ADGRL3: variants seen among roughly 807,000 people sequenced by gnomAD.
The protein encoded by ADGRL3 is calcium-independent alpha-latrotoxin receptor 3.
Under a neutral mutation model 153.5 loss-of-function variants are expected in ADGRL3, and 62 were observed. The ratio of observed to expected loss-of-function variants is 0.40; its 90% CI spans 0.33 to 0.50. The LOEUF (loss-of-function observed/expected upper bound fraction) is 0.50. Ranked by LOEUF, ADGRL3 falls within the 20% of genes least tolerant of loss-of-function variation. ADGRL3 has a pLI of 0.47. For synonymous variants in ADGRL3, 710 were observed against 672.5 expected (o/e 1.06, Z -0.86); for missense variants, 1,641 against 1,859.4 (o/e 0.88, Z 2.16).
intron 14 of ADGRL3, among the ~76,000 whole-genome samples, chr4:61,935,261 C>T (rs2098833412): frequency 6.6e-6 from 1 of 151,956 alleles, no homozygotes; most frequent in Admixed American, 6.6e-5. Context: ...AACATAGTAG[C>T]CTGAGATCAC....
chr4:61,748,717 G>T (rs1400788065), intron 8 of ADGRL3, among the ~76,000 whole-genome samples: 1 of 152,110 alleles, frequency 6.6e-6, no homozygotes, highest in African/African-American at 2.4e-5. Context: ...ATTCAAGGTG[G>T]ATTAAAGACT....
intron 1 of ADGRL3, among the ~76,000 whole-genome samples, chr4:61,276,191 T>C (rs2093448922): frequency 6.6e-6 from 1 of 152,110 alleles, no homozygotes; most frequent in African/African-American, 2.4e-5. Flanking sequence ...TTCCTCAACA[T>C]CTTTAGTATG....
intron 6 of ADGRL3, among the ~76,000 whole-genome samples, chr4:61,699,192 A>T (rs990522005): frequency 4.6e-5 from 7 of 152,150 alleles, no homozygotes; most frequent in African/African-American, 1.7e-4. Context: ...AGAAAACTGA[A>T]TTCTCCAAAA....
At chr4:61,729,420 C>T (rs1355600412) in intron 6 of ADGRL3, among the ~76,000 whole-genome samples, 1 of 151,830 alleles carries the variant, frequency 6.6e-6, no homozygotes, top group Admixed American at 6.6e-5. Context: ...ATGGTTTTGA[C>T]AATAACTGGA....
At chr4:61,453,042 A>C (rs2097693460) in intron 2 of ADGRL3, among the ~76,000 whole-genome samples, 2 of 152,180 alleles carry the variant, frequency 1.3e-5, no homozygotes, top group Admixed American at 1.3e-4. Flanking sequence ...TAGGTGGCCC[A>C]GTAGTTCAGA....
At chr4:61,436,174 T>C (rs1436217007) in intron 2 of ADGRL3, among the ~76,000 whole-genome samples, 2 of 152,176 alleles carry the variant, frequency 1.3e-5, no homozygotes, top group African/African-American at 4.8e-5. Flanking sequence ...TAGCATTACA[T>C]TTATTGTAAA....
intron 1 of ADGRL3, among the ~76,000 whole-genome samples, chr4:61,259,876 C>T (rs1052564772): frequency 8.5e-5 from 13 of 152,070 alleles, no homozygotes; most frequent in Non-Finnish European, 1.6e-4. Flanking sequence ...ATTAGATTTT[C>T]TCTTTTCCAC....
At chr4:61,344,045 T>C (rs900124571) in intron 1 of ADGRL3, among the ~76,000 whole-genome samples, 2 of 152,210 alleles carry the variant, frequency 1.3e-5, no homozygotes, top group African/African-American at 4.8e-5. Flanking sequence ...AGTAAAATAA[T>C]GAAATAGTGC....
Position 61,895,824 on chromosome 4 carries a change from T to C in ADGRL3, c.1877T>C (p.Ile626Thr). The C allele has an allele frequency of 6.3e-7, 1 of 1,578,090 alleles. No individual in the cohort carries two copies. Among genetic ancestry groups the C allele is most frequent in the Non-Finnish European group, 8.6e-7 (1 of 1,158,300 alleles). ...TGTTCTTCTCCTTGGGTCAATCATA[T>C]AACACAGAAGGTAAATCTTGTGACT... ...SNCSSPWVNH[I>T]TQKLKSGETA... is the part of the protein sequence containing the mutation. Residue 626 changes from isoleucine (I) to threonine (T), a missense_variant, in exon 11 of 27, where the codon ATA becomes ACA. Ile to Thr is a moderately conservative substitution (Grantham distance 89). Transcript: ENST00000683033.
intron 21 of ADGRL3, among the ~76,000 whole-genome samples, chr4:62,007,356 T>TTTTATA (rs1553908562): frequency 3.2e-5 from 1 of 30,914 alleles, no homozygotes; most frequent in Non-Finnish European, 6.3e-5. Context: ...GACAAAATGA[T>TTTTATA]TATATATATA....
intron 8 of ADGRL3, among the ~76,000 whole-genome samples, chr4:61,791,746 T>G (rs974778554): frequency 2.0e-5 from 3 of 152,194 alleles, no homozygotes; most frequent in African/African-American, 7.2e-5. Context: ...ATCTGAAATC[T>G]AGGTGGAGGT....
chr4:61,730,759 T>C, intron 7 of ADGRL3, 123 bp downstream of exon 7: 1 of 274,004 alleles, frequency 3.6e-6, no homozygotes, highest in Non-Finnish European at 7.2e-6. Context: ...TATTTACTAC[T>C]TCTGCTGCTC....
intron 4 of ADGRL3, among the ~76,000 whole-genome samples, chr4:61,534,732 G>C (rs957237745): frequency 6.6e-6 from 1 of 151,958 alleles, no homozygotes; most frequent in Non-Finnish European, 1.5e-5. Flanking sequence ...TCTTAATTTG[G>C]TTCTCAGCTT....
At chr4:61,859,683 T>C (rs1009047279) in intron 9 of ADGRL3, among the ~76,000 whole-genome samples, 3 of 152,210 alleles carry the variant, frequency 2.0e-5, no homozygotes, top group African/African-American at 7.2e-5. Context: ...AAAACACTAT[T>C]AGAACATATT....
intron 5 of ADGRL3, among the ~76,000 whole-genome samples, chr4:61,599,805 C>T (rs1429870985): frequency 1.3e-5 from 2 of 152,098 alleles, no homozygotes; most frequent in African/African-American, 2.4e-5. Flanking sequence ...GAAAAATTTT[C>T]GCTTCTGCAG....
chr4:61,543,485 C>A (rs567832920), intron 4 of ADGRL3, among the ~76,000 whole-genome samples: 1 of 152,210 alleles, frequency 6.6e-6, no homozygotes, highest in East Asian at 1.9e-4. Flanking sequence ...TGATTTTAGC[C>A]CGGAGAGAAG....
intron 4 of ADGRL3, among the ~76,000 whole-genome samples, chr4:61,530,173 A>G (rs2098603643): frequency 6.6e-6 from 1 of 152,178 alleles, no homozygotes; most frequent in Admixed American, 6.5e-5. Flanking sequence ...ATCTACAGAG[A>G]GAAAATTGCA....
intron 8 of ADGRL3, among the ~76,000 whole-genome samples, chr4:61,756,575 T>A (rs112060026): frequency 0.04 from 6,074 of 152,234 alleles, 371 homozygotes; most frequent in African/African-American, 0.14. Context: ...ACAGGGACAA[T>A]TTCACTTCCT....
At position 61,489,756 on chromosome 4, in the gene ADGRL3, C is replaced by G. The variant is rs532550674; in HGVS notation, c.-173-7365C>G. ...ATTGATTCAGGCTCCTCATATCAAA[C>G]CAAAGATATTTAAAAAATTGAATTT... On this transcript the variant is annotated intron_variant, in intron 2 of 26. Transcript: ENST00000683033. Among the ~76,000 whole-genome samples the G allele has an allele frequency of 2.6e-5, 4 of 151,900 alleles. No individual in the cohort carries two copies. In the South Asian group the frequency reaches 8.3e-4, roughly 31 times the overall value.
Sources: gnomAD v4.1 joint callset for allele counts (sites outside exome capture counted in the v4.1 genomes callset) on GRCh38, gnomAD v4.1.1 for gene constraint, MANE v1.5 for transcripts, NCBI Gene and HGNC (gene_info 2026-07-23, HGNC 2026-07-21) for gene names.